The following RGMB variants were observed in gnomAD, a reference collection of about 807,000 sequenced individuals.
RGMB encodes repulsive guidance molecule BMP co-receptor b.
A neutral mutation model predicts 26.9 loss-of-function variants in RGMB; 16 were observed. The ratio of observed to expected loss-of-function variants is 0.60; its 90% CI spans 0.40 to 0.90. The LOEUF is 0.90. RGMB is among the 40% of genes least tolerant of loss of function. The pLI is 0.00. For synonymous variants in RGMB, 225 were observed against 229.3 expected, an observed-to-expected ratio of 0.98 and a Z score of 0.17; for missense variants, 512 against 573.3, an observed-to-expected ratio of 0.89 and a Z score of 1.09.
At chr5:98,782,146 C>T (rs574102595) in intron 2 of RGMB, among the ~76,000 whole-genome samples, 33 of 152,326 alleles carry the variant, frequency 2.2e-4, no homozygotes, top group Admixed American at 5.9e-4. Flanking sequence ...TTCACAACCT[C>T]TAGGAGTTGT....
chr5:98,785,577 A>C (rs930066003), intron 2 of RGMB, among the ~76,000 whole-genome samples: 3 of 152,066 alleles, frequency 2.0e-5, no homozygotes, highest in Non-Finnish European at 4.4e-5. Flanking sequence ...TCTGCATACA[A>C]CCTAGCAGGG....
intron 2 of RGMB, among the ~76,000 whole-genome samples, chr5:98,792,707 G>A (rs1561447537): frequency 6.8e-6 from 1 of 147,494 alleles, no homozygotes; most frequent in African/African-American, 2.5e-5. Flanking sequence ...GGAGTTGAAC[G>A]TTGCAGTGAG....
upstream of RGMB, chr5:98,770,276 T>A (rs370267812): frequency 1.4e-3 from 311 of 217,790 alleles, 2 homozygotes; most frequent in African/African-American, 6.8e-3. Context: ...CCTAAATACA[T>A]TAGCGAGCTG....
chr5:98,794,621 A>G lies in RGMB; in HGVS notation c.*868A>G, dbSNP rs1396447595. ...TGAAACTATAAATTTAGTAATTATCATGCCTTGCTCTTTTTAATCTATATG... is the reference window on the plus strand; with the variant it reads ...TGAAACTATAAATTTAGTAATTATCGTGCCTTGCTCTTTTTAATCTATATG... On this transcript the variant is annotated 3_prime_UTR_variant, in exon 3 of 3. Transcript: ENST00000513185. 1 of 152,174 alleles carries G rather than the reference A, an allele frequency of 6.6e-6. No individual in the cohort carries two copies. The highest frequency in any genetic ancestry group is 1.9e-4 in the East Asian group (1 of 5,180). The allele number at this position is 152,174 out of a possible 1,614,324, so 9.4% of individuals were successfully genotyped here.
chr5:98,774,198 T>C lies in RGMB; in HGVS notation c.128T>C (p.Leu43Pro). 6.8e-7 allele frequency: 1 copy of C among 1,479,212 alleles called. No homozygotes were observed. Among genetic ancestry groups the C allele is most frequent in the Non-Finnish European group, 8.9e-7 (1 of 1,123,212 alleles). 91.6% of individuals were successfully genotyped at this position (1,479,212 alleles called of 1,614,324 possible). ...CTGCTGCTGTTCAGCCTCGGGCTGC[T>C]CCACGCAGGTAGGACGGGAGCGCGC... ...LLLLLFSLGL[L>P]HAGDCQQPAQ... is the part of the protein sequence containing the mutation. Residue 43 changes from leucine to proline, a missense_variant, in exon 1 of 3, where the codon CTC (leucine) becomes CCC (proline). Leu to Pro is a moderately conservative substitution (Grantham distance 98). Transcript: ENST00000513185.
At position 98,793,363 on chromosome 5, in the gene RGMB, C is replaced by A. The variant is rs1746998438; in HGVS notation, c.924C>A (p.Asp308Glu). 6.2e-7 allele frequency: 1 copy of A among 1,613,784 alleles called. No individual in the cohort carries two copies. The highest frequency in any genetic ancestry group is 1.3e-5 in the African/African-American group (1 of 75,060). The change falls in exon 3 of 3, where the codon GAC becomes GAA. Residue 308 changes from aspartate (D) to glutamate (E), a missense_variant. Physicochemically the swap from Asp to Glu is conservative, Grantham distance 45. Transcript: ENST00000513185. ...CCATGTCCTACGAGGAGAGCCAGGA[C>A]CTGCAGCTGTGCGTGAACGGCTGCC... is the stretch of plus-strand genomic sequence containing the variant. Reference protein sequence around the residue: ...DLAMSYEESQDLQLCVNGCPL... With the variant: ...DLAMSYEESQELQLCVNGCPL...
chr5:98,794,093 A>G lies in RGMB; in HGVS notation c.*340A>G, dbSNP rs1173488496. On this transcript the variant is annotated 3_prime_UTR_variant, in exon 3 of 3. Coordinates refer to ENST00000513185, the MANE Select transcript of RGMB (RefSeq NM_001366508.1). ...GTATAGTACATATACACAGACATCC[A>G]TATGCAGCGTTTCCTTTGAAGGTGA... 6.1e-6 allele frequency: 1 copy of G among 164,914 alleles called. No homozygotes were observed. The highest frequency in any genetic ancestry group is 1.3e-5 in the Non-Finnish European group (1 of 76,616). The allele number at this position is 164,914 out of a possible 1,614,324, so 10.2% of individuals were successfully genotyped here. A position where few individuals can be genotyped will look rare whatever the true frequency, so the allele number is the denominator to read the frequency against.
rs62367692 is a variant in RGMB at position 98,795,494 on chromosome 5, T to C, written c.*1741T>C. ...GTCACAGAGTGGAGTTGTGAATTCA[T>C]GTAGAGGTGGCAAACCTCTACCTTG... is the stretch of plus-strand genomic sequence containing the variant. On this transcript the variant is annotated 3_prime_UTR_variant, in exon 3 of 3. Transcript: ENST00000513185. The C allele has an allele frequency of 4.6e-5, 7 of 152,180 alleles. No homozygotes were observed. Among genetic ancestry groups the C allele is most frequent in the Non-Finnish European group, 1.0e-4 (7 of 68,026 alleles). 9.4% of individuals were successfully genotyped at this position (152,180 alleles called of 1,614,324 possible).
At chr5:98,776,625 A>G (rs1746411306) in intron 1 of RGMB, among the ~76,000 whole-genome samples, 1 of 152,240 alleles carries the variant, frequency 6.6e-6, no homozygotes, top group African/African-American at 2.4e-5. Flanking sequence ...GAAGCCCACA[A>G]GGCAGCTGAA....
intron 1 of RGMB, among the ~76,000 whole-genome samples, chr5:98,778,301 A>G (rs1746477818): frequency 6.6e-6 from 1 of 152,190 alleles, no homozygotes; most frequent in African/African-American, 2.4e-5. Flanking sequence ...CCTGAAGTTT[A>G]TTGCATCCAC....
chr5:98,775,905 A>T (rs903980050), intron 1 of RGMB, among the ~76,000 whole-genome samples: 3 of 152,196 alleles, frequency 2.0e-5, no homozygotes, highest in Admixed American at 6.5e-5. Flanking sequence ...GATTTCTTTG[A>T]AGAGTGGTGC....
chr5:98,771,779 G>A (rs1398372824), upstream of RGMB: 1 of 152,148 alleles, frequency 6.6e-6, no homozygotes, highest in East Asian at 1.9e-4. Context: ...TATGGAACAG[G>A]ATATAGGGGG....
chr5:98,789,927 G>T (rs1746875697), intron 2 of RGMB, among the ~76,000 whole-genome samples: 1 of 152,146 alleles, frequency 6.6e-6, no homozygotes, highest in Admixed American at 6.5e-5. Flanking sequence ...TTACTTTCTA[G>T]TGGCTGCTAG....
At chr5:98,783,905 C>T (rs1746688024) in intron 2 of RGMB, among the ~76,000 whole-genome samples, 1 of 151,990 alleles carries the variant, frequency 6.6e-6, no homozygotes, top group Admixed American at 6.6e-5. Context: ...TTTATTTTTC[C>T]TTTTGTTTTA....
In RGMB at chr5:98,774,108, C is replaced by A; in HGVS notation, c.38C>A (p.Ala13Asp). The stretch of plus-strand genomic sequence containing the variant: ...GCAGCACCTTCCAGCGCCGCCGCTG[C>A]CGCCGCCGAGGTTGAGCAGCGCCGC... Reference protein sequence around the residue: ...LRAAPSSAAAAAAEVEQRRSP... With the variant: ...LRAAPSSAAADAAEVEQRRSP... The change falls in exon 1 of 3, where the codon GCC (alanine) becomes GAC (aspartate). Residue 13 changes from alanine to aspartate, a missense_variant. Transcript: ENST00000513185. 1 of 1,337,834 alleles carries A rather than the reference C, an allele frequency of 7.5e-7. No individual in the cohort carries two copies. The highest frequency in any genetic ancestry group is 1.0e-6 in the Non-Finnish European group (1 of 979,808). The allele number at this position is 1,337,834 out of a possible 1,614,324, so 82.9% of individuals were successfully genotyped here. A position where few individuals can be genotyped will look rare whatever the true frequency, so the allele number is the denominator to read the frequency against.
At chr5:98,783,933 T>G (rs1049424059) in intron 2 of RGMB, among the ~76,000 whole-genome samples, 1 of 152,254 alleles carries the variant, frequency 6.6e-6, no homozygotes, top group African/African-American at 2.4e-5. Flanking sequence ...TGTATCCTTT[T>G]TCACCACTCT....
At chr5:98,788,836 G>C (rs1424965275) in intron 2 of RGMB, among the ~76,000 whole-genome samples, 5 of 152,186 alleles carry the variant, frequency 3.3e-5, no homozygotes, top group Admixed American at 3.3e-4. Context: ...TTTAGGAATG[G>C]AGAGAGAGCA....
Position 98,794,352 on chromosome 5 carries a change from AC to A in RGMB, c.*600del, listed in dbSNP as rs1747048356. On this transcript the variant is annotated 3_prime_UTR_variant, in exon 3 of 3. Transcript: ENST00000513185. Reference sequence around the variant, plus strand: ...AAGCTCTCTTCATCTAAGAGCTGTTACTTTTTCAGAAGGGGGGGTATTATTG... The same window carrying A: ...AAGCTCTCTTCATCTAAGAGCTGTTATTTTTCAGAAGGGGGGGTATTATTG... 1 of 152,236 alleles carries A rather than the reference AC, an allele frequency of 6.6e-6. No individual in the cohort carries two copies. Among genetic ancestry groups the A allele is most frequent in the Admixed American group, 6.5e-5 (1 of 15,272 alleles). 9.4% of individuals were successfully genotyped at this position (152,236 alleles called of 1,614,324 possible). A position where few individuals can be genotyped will look rare whatever the true frequency, so the allele number is the denominator to read the frequency against.
At chr5:98,781,324 A>G (rs752731143) in intron 2 of RGMB, 6 of 152,164 alleles carry the variant, frequency 3.9e-5, no homozygotes, top group Non-Finnish European at 7.3e-5. Flanking sequence ...GAACTCCAAA[A>G]TGTTTATACT....
Sources: gnomAD v4.1 joint callset for allele counts (sites outside exome capture counted in the v4.1 genomes callset) on GRCh38, gnomAD v4.1.1 for gene constraint, MANE v1.5 for transcripts, NCBI Gene and HGNC (gene_info 2026-07-23, HGNC 2026-07-21) for gene names.